Variants in RAMP1 observed in about 807,000 individuals in gnomAD.
RAMP1 encodes the protein receptor activity-modifying protein 1.
In RAMP1, 7 loss-of-function variants were observed where a neutral mutation model predicts 8.2. That is an observed-to-expected ratio of 0.85 (90% CI 0.49 to 1.60). RAMP1 has a LOEUF of 1.60. RAMP1 is among the 40% of genes most tolerant of loss of function. RAMP1 has a pLI of 0.00. For synonymous variants in RAMP1, 92 were observed against 84.7 expected (o/e 1.09, Z -0.47); for missense variants, 192 against 202.4 (o/e 0.95, Z 0.31).
At chr2:237,873,637 C>T (rs551641476) in intron 1 of RAMP1, among the ~76,000 whole-genome samples, 3 of 152,270 alleles carry the variant, frequency 2.0e-5, no homozygotes, top group South Asian at 2.1e-4. Context: ...GGAGCGCAGC[C>T]GTCTACCCAG....
At chr2:237,882,844 T>TGTGGGCAGGC (rs879283395) in intron 2 of RAMP1, among the ~76,000 whole-genome samples, 18,455 of 151,782 alleles carry the variant, frequency 0.12, 1,349 homozygotes, top group African/African-American at 0.21. Flanking sequence ...TGTGGGCAGG[T>TGTGGGCAGGC]GGCACTGTGT....
chr2:237,898,106 G>A (rs117189634), intron 2 of RAMP1, among the ~76,000 whole-genome samples: 2 of 152,270 alleles, frequency 1.3e-5, no homozygotes, highest in East Asian at 3.9e-4. Flanking sequence ...GCCAGATGCT[G>A]TAATTCTTTG....
chr2:237,894,027 T>C (rs915251701), intron 2 of RAMP1, among the ~76,000 whole-genome samples: 25 of 137,870 alleles, frequency 1.8e-4, no homozygotes, highest in Non-Finnish European at 6.1e-5. Context: ...TGGAGTGCAG[T>C]GGCGTGATCT....
chr2:237,870,942 G>T (rs184537801), intron 1 of RAMP1, among the ~76,000 whole-genome samples: 1 of 152,230 alleles, frequency 6.6e-6, no homozygotes, highest in African/African-American at 2.4e-5. Flanking sequence ...CTCTGAGCCC[G>T]AGAGAGGGGA....
In RAMP1 at chr2:237,893,970, C is replaced by CTTTTTTTT. The variant is rs71039788; in HGVS notation, c.191+16620_191+16627dup. ...AAATAAGTAAAAATAAAAATACTTT[C>CTTTTTTTT]TTTTTTTTTTTTTTTTTTTGAGACA... On this transcript the variant is annotated intron_variant, in intron 2 of 2. Transcript: ENST00000254661. Among the ~76,000 whole-genome samples, 31 of 104,156 alleles carry CTTTTTTTT rather than the reference C, an allele frequency of 3.0e-4. 1 individual carries two copies. Among genetic ancestry groups the CTTTTTTTT allele is most frequent in the South Asian group, 6.9e-4 (2 of 2,902 alleles). 68.3% of individuals were successfully genotyped at this position (104,156 alleles called of 152,430 possible).
chr2:237,894,038 C>T (rs1280691589), intron 2 of RAMP1, among the ~76,000 whole-genome samples: 2 of 132,584 alleles, frequency 1.5e-5, no homozygotes, highest in Non-Finnish European at 3.1e-5. Context: ...GGCGTGATCT[C>T]AGCTCACTGC....
intron 2 of RAMP1, among the ~76,000 whole-genome samples, chr2:237,910,712 T>G (rs1559178661): frequency 6.8e-6 from 1 of 147,490 alleles, no homozygotes. Context: ...AGTCACATAG[T>G]CACACACAGA....
intron 2 of RAMP1, among the ~76,000 whole-genome samples, chr2:237,906,948 C>T (rs1276610276): frequency 6.6e-6 from 1 of 152,096 alleles, no homozygotes; most frequent in Non-Finnish European, 1.5e-5. Context: ...GTCTCGAACT[C>T]CTGACCTCAA....
intron 2 of RAMP1, among the ~76,000 whole-genome samples, chr2:237,902,066 C>T (rs565151050): frequency 6.6e-6 from 1 of 152,150 alleles, no homozygotes; most frequent in East Asian, 1.9e-4. Flanking sequence ...AGTGAACAGC[C>T]CAGGCTTCAG....
intron 2 of RAMP1, among the ~76,000 whole-genome samples, chr2:237,896,947 C>T (rs1244162409): frequency 6.6e-6 from 1 of 152,196 alleles, no homozygotes; most frequent in African/African-American, 2.4e-5. Flanking sequence ...CTGCACCCAG[C>T]CTCTTAGACT....
At chr2:237,866,055 A>T (rs906704884) in intron 1 of RAMP1, among the ~76,000 whole-genome samples, 7 of 151,244 alleles carry the variant, frequency 4.6e-5, no homozygotes, top group Non-Finnish European at 1.0e-4. Context: ...TATTTGGGGG[A>T]TTTTCATGGT....
chr2:237,885,440 G>A (rs776876611), intron 2 of RAMP1, among the ~76,000 whole-genome samples: 2 of 152,236 alleles, frequency 1.3e-5, no homozygotes, highest in African/African-American at 4.8e-5. Context: ...CGGTGCCCTC[G>A]TGGGTTTGTT....
At chr2:237,874,198 C>T (rs1490966909) in intron 1 of RAMP1, among the ~76,000 whole-genome samples, 5 of 152,188 alleles carry the variant, frequency 3.3e-5, no homozygotes, top group African/African-American at 7.2e-5. Flanking sequence ...AGAGGAAGGC[C>T]CAGTAGGCTG....
At chr2:237,864,231 G>A (rs1022275795) in intron 1 of RAMP1, among the ~76,000 whole-genome samples, 6 of 152,168 alleles carry the variant, frequency 3.9e-5, no homozygotes, top group East Asian at 1.9e-4. Context: ...CCCGGACCAC[G>A]TATCCCCACA....
intron 1 of RAMP1, among the ~76,000 whole-genome samples, chr2:237,864,488 G>A (rs186847867): frequency 4.9e-4 from 75 of 152,158 alleles, no homozygotes; most frequent in Non-Finnish European, 8.5e-4. Context: ...AGAGGGAAGC[G>A]GGGGAGGTGG....
intron 2 of RAMP1, among the ~76,000 whole-genome samples, chr2:237,884,567 C>T (rs1466749295): frequency 6.6e-6 from 1 of 152,172 alleles, no homozygotes; most frequent in South Asian, 2.1e-4. Context: ...GAAGGGGACA[C>T]GCCTATTCCA....
chr2:237,875,490 G>T (rs575081918), intron 1 of RAMP1, among the ~76,000 whole-genome samples: 3 of 152,174 alleles, frequency 2.0e-5, no homozygotes, highest in African/African-American at 7.2e-5. Flanking sequence ...GGGGTCGAGG[G>T]TGGGTGACCC....
upstream of RAMP1, chr2:237,859,229 T>TAA (rs1241764749): frequency 1.3e-5 from 2 of 152,290 alleles, no homozygotes; most frequent in Non-Finnish European, 2.9e-5. Flanking sequence ...GAGAGGTAGA[T>TAA]AAGGCTGGGA....
chr2:237,864,651 C>T (rs952757771), intron 1 of RAMP1, among the ~76,000 whole-genome samples: 1 of 152,246 alleles, frequency 6.6e-6, no homozygotes, highest in African/African-American at 2.4e-5. Flanking sequence ...GGGTGCAGAG[C>T]AGCCTGCTAC....
Sources: gnomAD v4.1 joint callset for allele counts (sites outside exome capture counted in the v4.1 genomes callset) on GRCh38, gnomAD v4.1.1 for gene constraint, MANE v1.5 for transcripts, NCBI Gene and HGNC (gene_info 2026-07-23, HGNC 2026-07-21) for gene names.